The following SIPA1L1 variants were observed in gnomAD, a reference collection of about 807,000 sequenced individuals.
SIPA1L1 encodes the protein signal-induced proliferation-associated 1-like protein 1.
In SIPA1L1, 26 loss-of-function variants were observed where a neutral mutation model predicts 162.7. The observed-to-expected ratio is 0.16, with a 90% CI of 0.12 to 0.22. The LOEUF is 0.22. Ranked by LOEUF, SIPA1L1 falls within the 10% of genes least tolerant of loss-of-function variation. SIPA1L1 has a pLI of 1.00. For synonymous variants in SIPA1L1, 829 were observed against 837.4 expected (o/e 0.99, Z 0.17); for missense variants, 1,874 against 2,241.0 (o/e 0.84, Z 3.31).
At chr14:71,374,072 T>C (rs896356990) in intron 2 of SIPA1L1, among the ~76,000 whole-genome samples, 1 of 152,188 alleles carries the variant, frequency 6.6e-6, no homozygotes, top group Non-Finnish European at 1.5e-5. Flanking sequence ...AAGTACTTCG[T>C]GTTACTGCAG....
At chr14:71,532,972 G>A (rs1264213877) in intron 4 of SIPA1L1, among the ~76,000 whole-genome samples, 1 of 152,152 alleles carries the variant, frequency 6.6e-6, no homozygotes, top group Non-Finnish European at 1.5e-5. Context: ...ACAGGGTGGT[G>A]GAGGCAGGGG....
chr14:71,653,629 A>T (rs1042914907), intron 8 of SIPA1L1, among the ~76,000 whole-genome samples: 2 of 152,130 alleles, frequency 1.3e-5, no homozygotes, highest in Non-Finnish European at 2.9e-5. Context: ...AAGGATCACT[A>T]TCCAAGGCTG....
intron 4 of SIPA1L1, among the ~76,000 whole-genome samples, chr14:71,561,689 G>A (rs1482982042): frequency 1.3e-5 from 2 of 152,234 alleles, no homozygotes; most frequent in African/African-American, 4.8e-5. Context: ...CTGGGTTCAA[G>A]CCATTCTCCT....
At chr14:71,363,949 C>T (rs1566933883) in intron 2 of SIPA1L1, among the ~76,000 whole-genome samples, 1 of 152,156 alleles carries the variant, frequency 6.6e-6, no homozygotes, top group Non-Finnish European at 1.5e-5. Flanking sequence ...CTTGCTAGAA[C>T]ACTTCAGGGC....
At chr14:71,353,895 G>A (rs1242804211) in intron 2 of SIPA1L1, among the ~76,000 whole-genome samples, 2 of 151,992 alleles carry the variant, frequency 1.3e-5, no homozygotes, top group Non-Finnish European at 2.9e-5. Flanking sequence ...CCAGCCATCT[G>A]CTTGTATTTT....
At chr14:71,711,695 A>G (rs941671626) in intron 17 of SIPA1L1, among the ~76,000 whole-genome samples, 10 of 152,240 alleles carry the variant, frequency 6.6e-5, no homozygotes, top group African/African-American at 2.4e-4. Context: ...CCCTGAAAAA[A>G]GCATCTGGGT....
At chr14:71,347,142 G>A (rs2036251665) in intron 2 of SIPA1L1, among the ~76,000 whole-genome samples, 1 of 150,484 alleles carries the variant, frequency 6.6e-6, no homozygotes, top group Admixed American at 6.6e-5. Flanking sequence ...CGTATTTTTA[G>A]TAGAGATGGG....
chr14:71,499,049 G>C (rs2050001665), intron 2 of SIPA1L1, among the ~76,000 whole-genome samples: 1 of 152,190 alleles, frequency 6.6e-6, no homozygotes, highest in Non-Finnish European at 1.5e-5. Context: ...ACAAGAAAAA[G>C]TATATTCCTC....
At chr14:71,335,710 C>T (rs566007303) in intron 2 of SIPA1L1, among the ~76,000 whole-genome samples, 1 of 152,294 alleles carries the variant, frequency 6.6e-6, no homozygotes. Flanking sequence ...AAGGACCTCT[C>T]TCTACATGAG....
At chr14:71,619,048 A>G (rs908120682) in intron 6 of SIPA1L1, among the ~76,000 whole-genome samples, 161 bp downstream of exon 6, 8 of 87,468 alleles carry the variant, frequency 9.1e-5, no homozygotes, top group Non-Finnish European at 2.1e-4. Flanking sequence ...GAGGTGGACA[A>G]GATGGTTAGA....
At chr14:71,660,322 T>C (rs779781762) in intron 9 of SIPA1L1, among the ~76,000 whole-genome samples, 2 of 152,198 alleles carry the variant, frequency 1.3e-5, no homozygotes, top group Non-Finnish European at 2.9e-5. Flanking sequence ...AATTGCTTCA[T>C]TAGAAGACAA....
At chr14:71,692,452 A>G (rs369589915) in intron 13 of SIPA1L1, among the ~76,000 whole-genome samples, 1 of 152,216 alleles carries the variant, frequency 6.6e-6, no homozygotes, top group African/African-American at 2.4e-5. Context: ...AGAAAAGCAG[A>G]GGGCCGCATT....
At chr14:71,362,450 T>C (rs1462842266) in intron 2 of SIPA1L1, among the ~76,000 whole-genome samples, 1 of 152,202 alleles carries the variant, frequency 6.6e-6, no homozygotes, top group East Asian at 1.9e-4. Context: ...GCTGAAGTTG[T>C]GTGAAAGCTT....
At chr14:71,395,235 G>A (rs1566969347) in intron 2 of SIPA1L1, among the ~76,000 whole-genome samples, 1 of 152,186 alleles carries the variant, frequency 6.6e-6, no homozygotes, top group Non-Finnish European at 1.5e-5. Context: ...CACAGAGCAT[G>A]TGTTGTTTTG....
chr14:71,541,688 A>T (rs1270083039), intron 4 of SIPA1L1, among the ~76,000 whole-genome samples: 1 of 152,064 alleles, frequency 6.6e-6, no homozygotes, highest in Admixed American at 6.5e-5. Context: ...CAGGAGGATT[A>T]CTTGAGTCTA....
Position 71,588,519 on chromosome 14 carries a change from G to T in SIPA1L1, c.647G>T (p.Gly216Val). Residue 216 changes from glycine (G) to valine (V), a missense_variant, in exon 5 of 24, where the codon GGA becomes GTA. Physicochemically the swap from Gly to Val is moderately radical, Grantham distance 109. Around this residue, in one of 5 missense-constraint regions of SIPA1L1, gnomAD observed 685 missense variants for 828.0 expected, o/e 0.83. Coordinates refer to ENST00000381232, the MANE Select transcript of SIPA1L1 (RefSeq NM_001386936.1). The surrounding 1 kb of genome is among the most constrained non-coding windows in gnomAD (Gnocchi z 4.3). ...AGCACATCTTCAATTGATAAACAGG[G>T]AACATCTGGAGAAAGCTTTTTTGAT... ...YGSTSSIDKQ[G>V]TSGESFFDLL... 6.2e-7 allele frequency: 1 copy of T among 1,614,082 alleles called. No homozygotes were observed. The highest frequency in any genetic ancestry group is 8.5e-7 in the Non-Finnish European group (1 of 1,179,978).
Position 71,650,391 on chromosome 14 carries a change from A to G in SIPA1L1, c.1875A>G (p.Glu625=). The G allele has an allele frequency of 1.9e-6, 3 of 1,614,216 alleles. No individual in the cohort carries two copies. Among genetic ancestry groups the G allele is most frequent in the Non-Finnish European group, 2.5e-6 (3 of 1,180,024 alleles). ...ACTGCAAAGCTGGACAGAGCACTGA[A>G]GAAGAGATGTACAACAATGAGTCAG... ...IMYCKAGQST[E]EEMYNNESAG... Residue 625 remains glutamate, a synonymous_variant, in exon 8 of 24, where the codon GAA becomes GAG. Transcript: ENST00000381232.
intron 4 of SIPA1L1, among the ~76,000 whole-genome samples, chr14:71,538,662 T>C (rs1002423515): frequency 6.6e-6 from 1 of 152,208 alleles, no homozygotes; most frequent in Non-Finnish European, 1.5e-5. Context: ...TTCTGGTGTT[T>C]GCTGGATACA....
intron 2 of SIPA1L1, among the ~76,000 whole-genome samples, chr14:71,408,510 T>C (rs998844238): frequency 1.3e-5 from 2 of 152,150 alleles, no homozygotes; most frequent in African/African-American, 4.8e-5. Flanking sequence ...ACTTAGTAAC[T>C]GAATTGGGCC....
Sources: gnomAD v4.1 joint callset for allele counts (sites outside exome capture counted in the v4.1 genomes callset) on GRCh38, gnomAD v4.1.1 for gene constraint, gnomAD v4.1.1 regional missense constraint, Gnocchi (gnomAD v3.1) non-coding constraint, MANE v1.5 for transcripts, NCBI Gene and HGNC (gene_info 2026-07-23, HGNC 2026-07-21) for gene names.